Variants in NEBL observed in about 807,000 individuals in gnomAD.
NEBL encodes nebulette, also known as LIM and SH3 protein 2.
NEBL carries 122 observed loss-of-function variants against 140.2 expected under a neutral mutation model. The ratio of observed to expected loss-of-function variants is 0.87; its 90% CI spans 0.75 to 1.01. The LOEUF is 1.01. Among genes scored for constraint, NEBL ranks in the 50% least tolerant of loss-of-function variants. The probability of loss-of-function intolerance (pLI) is 0.00; values close to 1 mark genes in which losing one functional copy is unlikely to be tolerated. For synonymous variants in NEBL, 436 were observed against 398.9 expected (o/e 1.09, Z -1.11); for missense variants, 1,365 against 1,231.3 (o/e 1.11, Z -1.62).
At chr10:20,946,397 T>C (rs900708598) in intron 4 of NEBL, among the ~76,000 whole-genome samples, 6 of 152,214 alleles carry the variant, frequency 3.9e-5, no homozygotes, top group Admixed American at 3.3e-4. Flanking sequence ...CAGAGGTTTT[T>C]CAAATATTCC....
In NEBL at chr10:21,182,467, C is replaced by A. The variant is rs117452880; in HGVS notation, n.349-9990G>T. ...CTCCAGCCTGGACAACAGAAACAGA[C>A]CTTATCTCTAAAAAGAAAAAATATA... On this transcript the variant is annotated intron_variant and non_coding_transcript_variant, in intron 3 of 8. Coordinates refer to the NEBL transcript ENST00000675702. Among the ~76,000 whole-genome samples, 302 of 152,158 alleles carry A rather than the reference C, an allele frequency of 2.0e-3. 4 individuals are homozygous for A. The East Asian group carries it at 0.031, about 16-fold the overall frequency.
At chr10:20,988,586 T>A (rs1253278847) in intron 3 of NEBL, among the ~76,000 whole-genome samples, 1 of 152,136 alleles carries the variant, frequency 6.6e-6, no homozygotes, top group Non-Finnish European at 1.5e-5. Flanking sequence ...CTCTCTCTCC[T>A]CCATCATCAA....
At chr10:21,181,817 C>T (rs1207009182) in intron 3 of NEBL, among the ~76,000 whole-genome samples, 3 of 152,226 alleles carry the variant, frequency 2.0e-5, no homozygotes, top group African/African-American at 7.2e-5. Flanking sequence ...TCACCTCCCA[C>T]AAACAACAGC....
intron 3 of NEBL, among the ~76,000 whole-genome samples, chr10:21,230,604 CTTT>C (rs1157514424): frequency 1.2e-4 from 15 of 125,444 alleles, no homozygotes; most frequent in East Asian, 2.2e-4. Flanking sequence ...AACTGGAAAC[CTTT>C]TTTTTTTTTT....
chr10:21,126,006 G>A (rs1490333378), intron 2 of NEBL: 3 of 1,614,188 alleles, frequency 1.9e-6, no homozygotes, highest in Non-Finnish European at 1.7e-6. Context: ...AGAGACTGAA[G>A]CTGACTCTCC....
At chr10:21,208,702 G>A (rs1252725184) in intron 3 of NEBL, among the ~76,000 whole-genome samples, 1 of 152,146 alleles carries the variant, frequency 6.6e-6, no homozygotes, top group East Asian at 1.9e-4. Context: ...CTTGCTGCAG[G>A]TGGGGAGAGC....
chr10:21,074,358 T>C (rs1835962205), intron 2 of NEBL, among the ~76,000 whole-genome samples: 1 of 152,236 alleles, frequency 6.6e-6, no homozygotes, highest in Non-Finnish European at 1.5e-5. Flanking sequence ...TGCCATTGGC[T>C]TCTATGGGAT....
chr10:21,004,373 T>C (rs554986707), intron 3 of NEBL, among the ~76,000 whole-genome samples: 5 of 152,336 alleles, frequency 3.3e-5, no homozygotes, highest in African/African-American at 1.2e-4. Context: ...GGAGTGTTCA[T>C]TATTTGGGAC....
At chr10:21,125,926 A>G (rs1838804399) in intron 2 of NEBL, 1 of 1,614,180 alleles carries the variant, frequency 6.2e-7, no homozygotes, top group African/African-American at 1.3e-5. Context: ...TTCTGGTCCC[A>G]GAGACAGCCT....
intron 2 of NEBL, chr10:21,146,305 C>G: frequency 6.4e-7 from 1 of 1,560,966 alleles, no homozygotes; most frequent in Middle Eastern, 1.7e-4. Flanking sequence ...CTCAGCACAC[C>G]CATGCAGTAT....
intron 4 of NEBL, among the ~76,000 whole-genome samples, chr10:20,906,073 G>C (rs531277278): frequency 5.3e-5 from 8 of 152,146 alleles, no homozygotes; most frequent in Non-Finnish European, 1.2e-4. Context: ...TCTTAGTGAA[G>C]AAAGTGTTTC....
intron 2 of NEBL, among the ~76,000 whole-genome samples, chr10:21,080,781 T>C (rs1430267672): frequency 6.6e-6 from 1 of 152,162 alleles, no homozygotes; most frequent in Non-Finnish European, 1.5e-5. Flanking sequence ...CTCCCAACAG[T>C]GCTAATTCTG....
rs199531054 is a variant in NEBL at position 20,897,045 on chromosome 10, G to A, written c.82-16C>T. 1 of 1,610,222 alleles carries A rather than the reference G, an allele frequency of 6.2e-7. No homozygotes were observed. Among genetic ancestry groups the A allele is most frequent in the Non-Finnish European group, 8.5e-7 (1 of 1,176,892 alleles). Reference sequence around the variant, plus strand: ...TATAGAAGACCTATTTGAAAAAAAAGAAAAGAACAGAAAGAACATTTTTCT... The same window carrying A: ...TATAGAAGACCTATTTGAAAAAAAAAAAAAGAACAGAAAGAACATTTTTCT... On this transcript the variant is annotated splice_polypyrimidine_tract_variant and intron_variant, in intron 1 of 27. Coordinates refer to ENST00000377122, the MANE Select transcript of NEBL (RefSeq NM_006393.3).
In NEBL at chr10:21,281,427, G is replaced by A. The variant is rs568978787; in HGVS notation, n.182+11403C>T. On this transcript the variant is annotated intron_variant and non_coding_transcript_variant, in intron 1 of 8. Coordinates refer to the NEBL transcript ENST00000675702. Reference sequence around the variant, plus strand: ...TCCTCCTGCCTCAGCCTCCCAACTCGCTGGGATTACAGGTACACACCACCA... The same window carrying A: ...TCCTCCTGCCTCAGCCTCCCAACTCACTGGGATTACAGGTACACACCACCA... Among the ~76,000 whole-genome samples, 5 of 151,856 alleles carry A rather than the reference G, an allele frequency of 3.3e-5. No individual in the cohort carries two copies. In the South Asian group the frequency reaches 8.3e-4, roughly 25 times the overall value.
Position 20,880,798 on chromosome 10 carries a change from C to T in NEBL, c.476G>A (p.Ser159Asn). 6.2e-7 allele frequency: 1 copy of T among 1,606,716 alleles called. No homozygotes were observed. Among genetic ancestry groups the T allele is most frequent in the Non-Finnish European group, 8.5e-7 (1 of 1,173,242 alleles). ...KHAMEVNKHQ[S>N]NISYRKDVQD... ...ATGAGAAATGCGCTTCCTTACATTA[C>T]TCTGGTGTTTATTGACCTCCATGGC... The change falls in exon 5 of 28, where the codon AGT becomes AAT. Residue 159 changes from serine to asparagine, a missense_variant. By Grantham distance (46) the Ser-to-Asn change is conservative. Around this residue, in one of 2 missense-constraint regions of NEBL, gnomAD observed 1,323 missense variants for 1,154.8 expected, o/e 1.15. Coordinates refer to ENST00000377122, the MANE Select transcript of NEBL (RefSeq NM_006393.3).
At chr10:20,927,113 G>A (rs191068167) in intron 4 of NEBL, among the ~76,000 whole-genome samples, 7 of 152,228 alleles carry the variant, frequency 4.6e-5, no homozygotes, top group East Asian at 1.9e-4. Context: ...GCTCAGGAGC[G>A]GAGGATAACT....
At chr10:20,884,952 C>T (rs1329978828) in intron 4 of NEBL, among the ~76,000 whole-genome samples, 3 of 152,254 alleles carry the variant, frequency 2.0e-5, no homozygotes, top group African/African-American at 7.2e-5. Context: ...ACATCTCTCT[C>T]TCTTTTTCTG....
rs775248598 is a variant in NEBL at position 20,787,252 on chromosome 10, G to T, written c.2818C>A (p.His940Asn). 3.1e-6 allele frequency: 5 copies of T among 1,613,572 alleles called. No individual in the cohort carries two copies. Among genetic ancestry groups the T allele is most frequent in the Non-Finnish European group, 4.2e-6 (5 of 1,179,712 alleles). Residue 940 changes from histidine to asparagine, a missense_variant, in exon 27 of 28, where the codon CAC becomes AAC. This residue lies in a region of NEBL where 1,323 missense variants were observed against 1,154.8 expected (regional missense o/e 1.15). Coordinates refer to ENST00000377122, the MANE Select transcript of NEBL (RefSeq NM_006393.3). ...QSHSQGYGYMHQTSVSSMRSM... is the reference protein window; with the variant it reads ...QSHSQGYGYMNQTSVSSMRSM... ...CTCATGGATGACACACTGGTCTGGT[G>T]CATGTAGCCATAGCCTTGGGAATGG...
At chr10:21,020,276 G>A in intron 2 of NEBL, 2 of 1,309,690 alleles carry the variant, frequency 1.5e-6, no homozygotes, top group Admixed American at 1.7e-5. Flanking sequence ...CCATTGTTTT[G>A]CACATCCCCC....
Sources: gnomAD v4.1 joint callset for allele counts (sites outside exome capture counted in the v4.1 genomes callset) on GRCh38, gnomAD v4.1.1 for gene constraint, gnomAD v4.1.1 regional missense constraint, MANE v1.5 for transcripts, NCBI Gene and HGNC (gene_info 2026-07-23, HGNC 2026-07-21) for gene names.